Variants in LSAMP observed in about 807,000 individuals in gnomAD.
The protein encoded by LSAMP is limbic system associated membrane protein.
Under a neutral mutation model 38.6 loss-of-function variants are expected in LSAMP, and 7 were observed. That is an observed-to-expected ratio of 0.18 (90% CI 0.10 to 0.34). The LOEUF (loss-of-function observed/expected upper bound fraction) is 0.34, where lower values mean the gene tolerates loss of function less well. Among genes scored for constraint, LSAMP ranks in the 10% least tolerant of loss-of-function variants. The pLI, the probability that LSAMP is intolerant of heterozygous loss-of-function variation, is 1.00. For missense variants in LSAMP, 313 were observed against 420.0 expected, an observed-to-expected ratio of 0.75 and a Z score of 2.23; for synonymous variants, 154 against 166.8, an observed-to-expected ratio of 0.92 and a Z score of 0.59.
At chr3:115,970,019 T>C (rs577154703) in intron 3 of LSAMP, among the ~76,000 whole-genome samples, 115 of 152,078 alleles carry the variant, frequency 7.6e-4, no homozygotes, top group Non-Finnish European at 1.3e-3. Flanking sequence ...TTAATGACAA[T>C]ACTTCTGAGA....
chr3:116,372,592 C>T (rs2048443829), intron 1 of LSAMP, among the ~76,000 whole-genome samples: 1 of 151,790 alleles, frequency 6.6e-6, no homozygotes, highest in Admixed American at 6.6e-5. Context: ...TTACAAATGG[C>T]TCTGAAAGAC....
chr3:115,944,289 T>A (rs190089025), intron 3 of LSAMP, among the ~76,000 whole-genome samples: 1 of 152,282 alleles, frequency 6.6e-6, no homozygotes, highest in East Asian at 1.9e-4. Flanking sequence ...CCCTAGGCAA[T>A]TAAAGACAAT....
At chr3:115,949,031 G>A (rs1377115107) in intron 3 of LSAMP, among the ~76,000 whole-genome samples, 1 of 152,160 alleles carries the variant, frequency 6.6e-6, no homozygotes, top group South Asian at 2.1e-4. Flanking sequence ...ACTTTGGGAG[G>A]CCAAGGCAGG....
chr3:116,154,462 C>G (rs1488739447), intron 1 of LSAMP, among the ~76,000 whole-genome samples: 2 of 152,122 alleles, frequency 1.3e-5, no homozygotes, highest in East Asian at 3.9e-4. Flanking sequence ...GCTTTTAAGA[C>G]TCAAATGGAA....
At chr3:116,384,383 T>C (rs2048599469) in intron 1 of LSAMP, among the ~76,000 whole-genome samples, 1 of 152,126 alleles carries the variant, frequency 6.6e-6, no homozygotes, top group Non-Finnish European at 1.5e-5. Context: ...CACCTAAAAA[T>C]ATTTCATAGA....
intron 3 of LSAMP, among the ~76,000 whole-genome samples, chr3:115,930,883 A>C (rs1937570132): frequency 6.6e-6 from 1 of 152,172 alleles, no homozygotes; most frequent in Non-Finnish European, 1.5e-5. Context: ...TCTAAGCCTG[A>C]AAATCTTAAT....
Position 116,431,182 on chromosome 3 carries a change from A to G in LSAMP, c.155+13695T>C, listed in dbSNP as rs770815039. Among the ~76,000 whole-genome samples the G allele has an allele frequency of 4.6e-5, 7 of 152,052 alleles. No homozygotes were observed. In the East Asian group the frequency reaches 7.7e-4, roughly 17 times the overall value. On this transcript the variant is annotated intron_variant, in intron 1 of 6. Coordinates refer to ENST00000490035, the MANE Select transcript of LSAMP (RefSeq NM_002338.5). Reference sequence around the variant, plus strand: ...ATGAGAGAGACCTCTATCACTATCAATCAGTATTATTTTGGCGTAATTGCT... The same window carrying G: ...ATGAGAGAGACCTCTATCACTATCAGTCAGTATTATTTTGGCGTAATTGCT...
intron 2 of LSAMP, among the ~76,000 whole-genome samples, chr3:116,079,763 CA>C (rs920879837): frequency 1.0e-4 from 15 of 148,684 alleles, no homozygotes; most frequent in South Asian, 2.1e-4. Flanking sequence ...AGAGTTTTGT[CA>C]AAAAAAAAGT....
At chr3:116,087,521 A>G (rs1708018613) in intron 1 of LSAMP, among the ~76,000 whole-genome samples, 1 of 152,178 alleles carries the variant, frequency 6.6e-6, no homozygotes, top group South Asian at 2.1e-4. Flanking sequence ...CTGTGGCAAG[A>G]TTTATGTCTG....
At chr3:115,994,885 T>C (rs915562790) in intron 3 of LSAMP, among the ~76,000 whole-genome samples, 1 of 152,084 alleles carries the variant, frequency 6.6e-6, no homozygotes, top group Non-Finnish European at 1.5e-5. Flanking sequence ...GCTGGGGTGA[T>C]AACCTATCAC....
intron 1 of LSAMP, among the ~76,000 whole-genome samples, chr3:116,274,356 G>A (rs1312375650): frequency 6.6e-6 from 1 of 152,118 alleles, no homozygotes; most frequent in South Asian, 2.1e-4. Flanking sequence ...CCAGAGTTGG[G>A]AATACAAAAG....
chr3:115,958,593 T>G (rs940152743), intron 3 of LSAMP, among the ~76,000 whole-genome samples: 1 of 152,152 alleles, frequency 6.6e-6, no homozygotes, highest in Non-Finnish European at 1.5e-5. Flanking sequence ...GAGGAAAGGA[T>G]GGAATTAGAA....
chr3:115,970,105 A>G (rs1938966196), intron 3 of LSAMP, among the ~76,000 whole-genome samples: 1 of 152,204 alleles, frequency 6.6e-6, no homozygotes, highest in Admixed American at 6.5e-5. Flanking sequence ...AAACAGAGTA[A>G]GACAAATTAA....
chr3:116,281,203 G>C (rs1255272260), intron 1 of LSAMP, among the ~76,000 whole-genome samples: 1 of 152,106 alleles, frequency 6.6e-6, no homozygotes, highest in Non-Finnish European at 1.5e-5. Flanking sequence ...TTGAAGAGGG[G>C]AAAAGAAGGA....
chr3:116,249,095 G>A (rs191651800), intron 1 of LSAMP, among the ~76,000 whole-genome samples: 220 of 148,880 alleles, frequency 1.5e-3, no homozygotes, highest in African/African-American at 5.1e-3. Flanking sequence ...CTTGCAGTGG[G>A]CCAAGATCGC....
chr3:115,864,212 A>G (rs942887112), intron 3 of LSAMP, among the ~76,000 whole-genome samples: 1 of 152,104 alleles, frequency 6.6e-6, no homozygotes, highest in Admixed American at 6.6e-5. Context: ...AGGTAGCTGT[A>G]TGTGCACTCA....
chr3:116,143,590 T>C (rs1709421460), intron 1 of LSAMP, among the ~76,000 whole-genome samples: 3 of 151,966 alleles, frequency 2.0e-5, no homozygotes, highest in Admixed American at 6.6e-5. Flanking sequence ...TGTATACATC[T>C]ACTATATATT....
At chr3:116,275,844 G>C (rs937581126) in intron 1 of LSAMP, among the ~76,000 whole-genome samples, 1 of 152,126 alleles carries the variant, frequency 6.6e-6, no homozygotes, top group Non-Finnish European at 1.5e-5. Context: ...AGGACAAACA[G>C]GTAGAAGATG....
intron 1 of LSAMP, among the ~76,000 whole-genome samples, chr3:116,366,507 C>T (rs550486957): frequency 6.6e-6 from 1 of 152,232 alleles, no homozygotes; most frequent in South Asian, 2.1e-4. Flanking sequence ...CTTTGTGCCA[C>T]TCAGGGTCAC....
Sources: allele counts gnomAD v4.1 joint callset (sites outside exome capture counted in the v4.1 genomes callset), GRCh38; gene constraint gnomAD v4.1.1; transcripts MANE v1.5; gene names NCBI Gene and HGNC (gene_info 2026-07-23, HGNC 2026-07-21).